The following SIRPA variants were observed in gnomAD, a reference collection of about 807,000 sequenced individuals.
The protein encoded by SIRPA is tyrosine-protein phosphatase non-receptor type substrate 1.
In SIRPA, 9 loss-of-function variants were observed where a neutral mutation model predicts 50.3. The ratio of observed to expected loss-of-function variants is 0.18; its 90% CI spans 0.11 to 0.31. The LOEUF is 0.31. Ranked by LOEUF, SIRPA falls within the 10% of genes least tolerant of loss-of-function variation. SIRPA has a pLI of 1.00. For missense variants in SIRPA, 474 were observed against 661.6 expected, an observed-to-expected ratio of 0.72 and a Z score of 3.11; for synonymous variants, 265 against 284.1, an observed-to-expected ratio of 0.93 and a Z score of 0.68.
At chr20:1,921,290 A>G (rs775900937) in intron 2 of SIRPA, 105 bp from the exon 3 acceptor site, 29 of 1,580,296 alleles carry the variant, frequency 1.8e-5, no homozygotes, top group Admixed American at 1.0e-4. Context: ...ACATTATTGG[A>G]AGGATAAAAA....
chr20:1,916,629 A>C lies in SIRPA; in HGVS notation c.436+1174A>C, dbSNP rs1600423953. 3.3e-5 allele frequency among the ~76,000 whole-genome samples: 5 copies of C among 152,358 alleles called. 1 individual carries two copies. Among genetic ancestry groups the C allele is most frequent in the Admixed American group, 3.3e-4 (5 of 15,310 alleles). On this transcript the variant is annotated intron_variant, in intron 2 of 7. Coordinates refer to ENST00000358771, the MANE Select transcript of SIRPA (RefSeq NM_001040023.2). The stretch of plus-strand genomic sequence containing the variant: ...TCCCAAATGTAAGCCATATCATTTG[A>C]TACTGAGATTTCATATCAGGATAGA...
intron 1 of SIRPA, among the ~76,000 whole-genome samples, chr20:1,908,083 C>T (rs1448334578): frequency 2.0e-5 from 3 of 152,138 alleles, no homozygotes; most frequent in African/African-American, 7.2e-5. Flanking sequence ...AGACAGATAC[C>T]ACACAGGGTG....
intron 3 of SIRPA, among the ~76,000 whole-genome samples, chr20:1,922,040 A>G (rs1985690644): frequency 6.6e-6 from 1 of 152,208 alleles, no homozygotes; most frequent in Non-Finnish European, 1.5e-5. Context: ...TACAGTTACA[A>G]CATTCCAACT....
At chr20:1,918,317 T>C (rs1340895075) in intron 2 of SIRPA, among the ~76,000 whole-genome samples, 2 of 147,534 alleles carry the variant, frequency 1.4e-5, no homozygotes, top group African/African-American at 5.0e-5. Context: ...TGCTTCAACC[T>C]CCCAAGTAGC....
intron 1 of SIRPA, among the ~76,000 whole-genome samples, chr20:1,905,694 GT>G (rs1029237600): frequency 1.3e-5 from 2 of 152,216 alleles, no homozygotes; most frequent in African/African-American, 4.8e-5. Flanking sequence ...AGATGTCAAT[GT>G]CCTCTACCTG....
At chr20:1,918,535 GT>G in intron 2 of SIRPA, among the ~76,000 whole-genome samples, 1 of 151,928 alleles carries the variant, frequency 6.6e-6, no homozygotes, top group East Asian at 1.9e-4. Context: ...TTTAAGATGT[GT>G]TACCTTGGGC....
intron 4 of SIRPA, among the ~76,000 whole-genome samples, chr20:1,922,898 G>A (rs993878146): frequency 1.1e-4 from 16 of 152,094 alleles, no homozygotes; most frequent in African/African-American, 3.6e-4. Context: ...GGAGAGAGGG[G>A]GCCCATCTGT....
chr20:1,939,550 G>GTGCACACGCA lies in SIRPA; in HGVS notation c.*1990_*1999dup, dbSNP rs1326157120. 1.2e-4 allele frequency: 19 copies of GTGCACACGCA among 152,340 alleles called. No homozygotes were observed. The highest frequency in any genetic ancestry group is 3.8e-4 in the African/African-American group (16 of 41,566). The allele number at this position is 152,340 out of a possible 1,614,324, so 9.4% of individuals were successfully genotyped here. A position where few individuals can be genotyped will look rare whatever the true frequency, so the allele number is the denominator to read the frequency against. The stretch of plus-strand genomic sequence containing the variant: ...TTTTACCCAGAGACAGCACATACGT[G>GTGCACACGCA]TGCACACGCATGCACACACACATTC... On this transcript the variant is annotated 3_prime_UTR_variant, in exon 8 of 8. Coordinates refer to ENST00000358771, the MANE Select transcript of SIRPA (RefSeq NM_001040023.2). This position sits in a 1 kb window ranked among gnomAD's most constrained non-coding sequence, Gnocchi z 4.7.
In SIRPA at chr20:1,921,439, A is replaced by T; in HGVS notation, c.481A>T (p.Thr161Ser). Residue 161 changes from threonine to serine, a missense_variant, in exon 3 of 8, where the codon ACA (threonine) becomes TCA (serine). Physicochemically the swap from Thr to Ser is moderately conservative, Grantham distance 58 (BLOSUM62 1). Around this residue, in one of 4 missense-constraint regions of SIRPA, gnomAD observed 221 missense variants for 359.9 expected, o/e 0.61. Transcript: ENST00000358771. Reference protein sequence around the residue: ...PVVSGPAARATPQHTVSFTCE... With the variant: ...PVVSGPAARASPQHTVSFTCE... The stretch of plus-strand genomic sequence containing the variant: ...GGTATCGGGCCCTGCGGCGAGGGCC[A>T]CACCTCAGCACACAGTGAGCTTCAC... The T allele has an allele frequency of 6.2e-7, 1 of 1,613,778 alleles. No homozygotes were observed. Among genetic ancestry groups the T allele is most frequent in the Non-Finnish European group, 8.5e-7 (1 of 1,179,806 alleles).
chr20:1,934,725 C>T lies in SIRPA; in HGVS notation c.1237C>T (p.Pro413Ser). The T allele has an allele frequency of 6.2e-7, 1 of 1,614,016 alleles. No individual in the cohort carries two copies. The highest frequency in any genetic ancestry group is 2.2e-5 in the East Asian group (1 of 44,870). The change falls in exon 7 of 8, where the codon CCC (proline) becomes TCC (serine). Residue 413 changes from proline to serine, a missense_variant. Physicochemically the swap from Pro to Ser is moderately conservative, Grantham distance 74. Transcript: ENST00000358771. The surrounding 1 kb of genome is among the most constrained non-coding windows in gnomAD (Gnocchi z 4.6). Reference protein sequence around the residue: ...GSTSSTRLHEPEKNAREITQD... With the variant: ...GSTSSTRLHESEKNAREITQD... ...CTCTTTCCTTTTTAGGTTGCATGAGCCCGAGAAGAATGCCAGAGAAATAAC... is the reference window on the plus strand; with the variant it reads ...CTCTTTCCTTTTTAGGTTGCATGAGTCCGAGAAGAATGCCAGAGAAATAAC...
In SIRPA at chr20:1,924,175, G is replaced by C. The variant is rs1278785751; in HGVS notation, c.1088-589G>C. Among the ~76,000 whole-genome samples the C allele has an allele frequency of 6.6e-6, 1 of 152,186 alleles. No homozygotes were observed. The highest frequency in any genetic ancestry group is 6.5e-5 in the Admixed American group (1 of 15,286). On this transcript the variant is annotated intron_variant, in intron 4 of 7. Transcript: ENST00000358771. This position sits in a 1 kb window ranked among gnomAD's most constrained non-coding sequence, Gnocchi z 4.5. Reference sequence around the variant, plus strand: ...TTTGAAAGCACTTTTCTGTGGCTTAGAGCCCTGCTTCTGATGAACCACTGT... The same window carrying C: ...TTTGAAAGCACTTTTCTGTGGCTTACAGCCCTGCTTCTGATGAACCACTGT...
intron 4 of SIRPA, among the ~76,000 whole-genome samples, chr20:1,923,429 C>T (rs919828205): frequency 2.0e-5 from 3 of 152,272 alleles, no homozygotes; most frequent in African/African-American, 7.2e-5. Context: ...TTCTGTCCTT[C>T]ATGCACCCTT....
rs191198362 is a variant in SIRPA at position 1,937,832 on chromosome 20, G to A, written c.*264G>A. 20 of 530,588 alleles carry A rather than the reference G, an allele frequency of 3.8e-5. 1 individual carries two copies. The East Asian group carries it at 5.2e-4, about 14-fold the overall frequency. 32.9% of individuals were successfully genotyped at this position (530,588 alleles called of 1,614,324 possible). On this transcript the variant is annotated 3_prime_UTR_variant, in exon 8 of 8. Coordinates refer to ENST00000358771, the MANE Select transcript of SIRPA (RefSeq NM_001040023.2). The surrounding 1 kb of genome is among the most constrained non-coding windows in gnomAD (Gnocchi z 8.3). ...AGCCAGGGAACCAACCTGGGAAGTG[G>A]CCAGAACTGCCTGGGGTCCAAGAAC...
intron 1 of SIRPA, among the ~76,000 whole-genome samples, chr20:1,900,796 AAAGT>A (rs1568492932): frequency 6.6e-6 from 1 of 152,262 alleles, no homozygotes; most frequent in Non-Finnish European, 1.5e-5. Context: ...GGAAAACACT[AAAGT>A]AATACTAATA....
rs943649344 is a variant in SIRPA at position 1,919,451 on chromosome 20, G to A, written c.437-1944G>A. On this transcript the variant is annotated intron_variant, in intron 2 of 7. Transcript: ENST00000358771. ...GGATGCTTCTGAACAACGTGCACCC[G>A]GGACAGCTCTTTGGAGGCCCCAGTG... 8.5e-5 allele frequency among the ~76,000 whole-genome samples: 13 copies of A among 152,246 alleles called. 1 individual carries two copies. The highest frequency in any genetic ancestry group is 4.1e-4 in the South Asian group (2 of 4,824).
intron 1 of SIRPA, among the ~76,000 whole-genome samples, chr20:1,896,919 T>G (rs993298673): frequency 6.6e-5 from 10 of 152,290 alleles, no homozygotes; most frequent in Admixed American, 5.9e-4. Flanking sequence ...ATTTGTACCC[T>G]GCAAAAGTCC....
intron 2 of SIRPA, among the ~76,000 whole-genome samples, chr20:1,919,061 T>C (rs1240518915): frequency 2.0e-5 from 3 of 152,250 alleles, no homozygotes; most frequent in African/African-American, 4.8e-5. Flanking sequence ...GCGCCTGGCC[T>C]GCAGTCAATG....
Position 1,895,544 on chromosome 20 carries a change from C to T in SIRPA, c.79+18C>T, listed in dbSNP as rs1377585411. 5.6e-6 allele frequency: 8 copies of T among 1,431,794 alleles called. No homozygotes were observed. The highest frequency in any genetic ancestry group is 6.4e-6 in the Non-Finnish European group (7 of 1,093,622). 88.7% of individuals were successfully genotyped at this position (1,431,794 alleles called of 1,614,324 possible). On this transcript the variant is annotated intron_variant, in intron 1 of 7. Transcript: ENST00000358771. ...CTGGTCAGGTAAGCACCCCCCCGCT[C>T]CCCACCGCTGCACTCCCCAAACTGC...
intron 1 of SIRPA, among the ~76,000 whole-genome samples, chr20:1,901,874 G>C (rs1984234423): frequency 6.6e-6 from 1 of 152,148 alleles, no homozygotes; most frequent in African/African-American, 2.4e-5. Flanking sequence ...TGAGCGATGG[G>C]CCTCCCAGCC....
Sources: gnomAD v4.1 joint callset for allele counts (sites outside exome capture counted in the v4.1 genomes callset) on GRCh38, gnomAD v4.1.1 for gene constraint, gnomAD v4.1.1 regional missense constraint, Gnocchi (gnomAD v3.1) non-coding constraint, MANE v1.5 for transcripts, NCBI Gene and HGNC (gene_info 2026-07-23, HGNC 2026-07-21) for gene names.